The following ADAM32 variants were observed in gnomAD, a reference collection of about 807,000 sequenced individuals.
ADAM32 encodes the protein disintegrin and metalloproteinase domain-containing protein 32.
In ADAM32, 89 loss-of-function variants were observed where a neutral mutation model predicts 114.9. The observed-to-expected ratio is 0.77, with a 90% CI of 0.65 to 0.92. The LOEUF is 0.92. ADAM32 is among the 40% of genes least tolerant of loss of function. The pLI, the probability that ADAM32 is intolerant of heterozygous loss-of-function variation, is 0.00. For missense variants in ADAM32, 870 were observed against 932.8 expected, an observed-to-expected ratio of 0.93 and a Z score of 0.88; for synonymous variants, 285 against 307.5, an observed-to-expected ratio of 0.93 and a Z score of 0.77.
At chr8:39,259,796 G>A (rs1397613785) in intron 19 of ADAM32, among the ~76,000 whole-genome samples, 3 of 152,158 alleles carry the variant, frequency 2.0e-5, no homozygotes, top group East Asian at 1.9e-4. Context: ...TGCAAAAATT[G>A]CACAGGGCTG....
At chr8:39,282,419 T>C (rs1813478967) in intron 23 of ADAM32, among the ~76,000 whole-genome samples, 1 of 152,170 alleles carries the variant, frequency 6.6e-6, no homozygotes, top group African/African-American at 2.4e-5. Flanking sequence ...AATCATATCA[T>C]AATCATCCTT....
intron 14 of ADAM32, among the ~76,000 whole-genome samples, chr8:39,231,352 A>G (rs1021586839): frequency 3.7e-5 from 5 of 133,754 alleles, no homozygotes; most frequent in African/African-American, 8.6e-5. Context: ...AAAAAACTGA[A>G]CTACTAACAA....
chr8:39,198,952 CTT>C (rs1807200614), intron 11 of ADAM32, among the ~76,000 whole-genome samples: 1 of 152,072 alleles, frequency 6.6e-6, no homozygotes, highest in Non-Finnish European at 1.5e-5. Context: ...TTCTATTTCT[CTT>C]TCATTTTTGA....
chr8:39,250,960 C>T (rs942139641), intron 17 of ADAM32, among the ~76,000 whole-genome samples: 1 of 151,918 alleles, frequency 6.6e-6, no homozygotes, highest in African/African-American at 2.4e-5. Context: ...TTTCATTTAA[C>T]ATAATAACTT....
chr8:39,145,166 G>T lies in ADAM32; in HGVS notation c.201-1964G>T, dbSNP rs540740045. On this transcript the variant is annotated intron_variant, in intron 3 of 24. Coordinates refer to ENST00000379907, the MANE Select transcript of ADAM32 (RefSeq NM_145004.7). ...AAACATGATGAAAGGAATTGAGGAA[G>T]ACACAAATATATGGAAAGAACATGG... Among the ~76,000 whole-genome samples, 22 of 152,190 alleles carry T rather than the reference G, an allele frequency of 1.4e-4. No individual in the cohort carries two copies. In the South Asian group the frequency reaches 4.6e-3, roughly 32 times the overall value.
intron 5 of ADAM32, 38 bp downstream of exon 5, chr8:39,149,905 T>C (rs747072382): frequency 2.0e-6 from 3 of 1,523,456 alleles, no homozygotes; most frequent in East Asian, 2.3e-5. Context: ...ACCTTAGTTA[T>C]GATATTTGGC....
intron 19 of ADAM32, among the ~76,000 whole-genome samples, chr8:39,261,467 A>G (rs1319441676): frequency 1.3e-5 from 2 of 152,182 alleles, no homozygotes; most frequent in South Asian, 2.1e-4. Context: ...GTTGTTGGAA[A>G]CAGGTTGATT....
intron 12 of ADAM32, among the ~76,000 whole-genome samples, chr8:39,215,935 T>C (rs989389439): frequency 6.6e-6 from 1 of 151,988 alleles, no homozygotes; most frequent in African/African-American, 2.4e-5. Flanking sequence ...TTAAGTTTGA[T>C]GTTTCTTTAT....
intron 11 of ADAM32, among the ~76,000 whole-genome samples, chr8:39,198,584 G>C (rs895015790): frequency 6.6e-6 from 1 of 152,144 alleles, no homozygotes; most frequent in Non-Finnish European, 1.5e-5. Context: ...CACCATGTTG[G>C]CTATGCTGGT....
chr8:39,265,259 TTTGTCCTTTTTTA>T (rs1431848804), intron 19 of ADAM32, among the ~76,000 whole-genome samples: 2 of 152,212 alleles, frequency 1.3e-5, no homozygotes, highest in African/African-American at 4.8e-5. Flanking sequence ...AATGCTCTTC[TTTGTCCTTTTTTA>T]TTGTTTTTGG....
At chr8:39,163,205 G>A (rs1804618750) in intron 7 of ADAM32, among the ~76,000 whole-genome samples, 1 of 152,068 alleles carries the variant, frequency 6.6e-6, no homozygotes, top group Admixed American at 6.6e-5. Flanking sequence ...CATCCAAGTG[G>A]GTGTTTTAAA....
At chr8:39,203,876 C>T (rs112271115) in intron 11 of ADAM32, among the ~76,000 whole-genome samples, 1,941 of 152,242 alleles carry the variant, frequency 0.013, 20 homozygotes, top group Non-Finnish European at 0.021. Flanking sequence ...GATTTTATTT[C>T]TCCTTCACTT....
chr8:39,131,720 C>T (rs558950550), intron 2 of ADAM32, among the ~76,000 whole-genome samples: 6 of 151,934 alleles, frequency 3.9e-5, no homozygotes, highest in Admixed American at 3.3e-4. Flanking sequence ...GTGAAACGTC[C>T]TTCTTTCTTT....
At chr8:39,172,981 C>T (rs960742860) in intron 10 of ADAM32, among the ~76,000 whole-genome samples, 3 of 152,250 alleles carry the variant, frequency 2.0e-5, no homozygotes, top group East Asian at 1.9e-4. Flanking sequence ...TGTTCCAGGC[C>T]GGCCGCAGTG....
intron 24 of ADAM32, 147 bp downstream of exon 24, chr8:39,283,771 C>T (rs376323456): frequency 1.4e-3 from 342 of 241,364 alleles, no homozygotes; most frequent in Middle Eastern, 2.7e-3. Flanking sequence ...TTCTTTTATT[C>T]TTTTTTTTTT....
intron 1 of ADAM32, among the ~76,000 whole-genome samples, chr8:39,115,784 C>T (rs1172113390): frequency 1.3e-5 from 2 of 152,070 alleles, no homozygotes; most frequent in African/African-American, 2.4e-5. Flanking sequence ...GTTGAAATTG[C>T]TTTTGGAGTC....
At chr8:39,271,000 T>G (rs917894254) in intron 20 of ADAM32, 86 bp downstream of exon 20, 2 of 1,207,072 alleles carry the variant, frequency 1.7e-6, no homozygotes, top group South Asian at 1.4e-5. Context: ...AATTTTTTTT[T>G]GAACATCAAT....
intron 20 of ADAM32, among the ~76,000 whole-genome samples, chr8:39,274,025 T>C (rs1372011050): frequency 2.0e-5 from 3 of 150,990 alleles, no homozygotes; most frequent in Admixed American, 6.6e-5. Context: ...TGTGTTTTTT[T>C]CTGAACGGAT....
chr8:39,150,446 T>G (rs1803754471), intron 5 of ADAM32, among the ~76,000 whole-genome samples: 1 of 152,246 alleles, frequency 6.6e-6, no homozygotes, highest in East Asian at 1.9e-4. Flanking sequence ...AGATGCTTTT[T>G]CTCAAGGAAA....
Sources: allele counts gnomAD v4.1 joint callset (sites outside exome capture counted in the v4.1 genomes callset), GRCh38; gene constraint gnomAD v4.1.1; transcripts MANE v1.5; gene names NCBI Gene and HGNC (gene_info 2026-07-23, HGNC 2026-07-21).